SDK1: variants seen among roughly 807,000 people sequenced by gnomAD.
SDK1 encodes the protein protein sidekick-1.
SDK1 carries 157 observed loss-of-function variants against 245.5 expected under a neutral mutation model. The observed-to-expected ratio is 0.64, with a 90% CI of 0.56 to 0.73. The LOEUF (loss-of-function observed/expected upper bound fraction) is 0.73, where lower values mean the gene tolerates loss of function less well. SDK1 is among the 30% of genes least tolerant of loss of function. SDK1 has a pLI of 0.00. For missense variants in SDK1, 3,583 were observed against 3,002.3 expected (o/e 1.19, Z -4.52); for synonymous variants, 1,647 against 1,278.5 (o/e 1.29, Z -6.15).
chr7:3,688,505 A>G (rs889675529), intron 4 of SDK1, among the ~76,000 whole-genome samples: 1 of 152,260 alleles, frequency 6.6e-6, no homozygotes, highest in African/African-American at 2.4e-5. Flanking sequence ...TAAATGCTCT[A>G]CAAATGCCAG....
chr7:3,484,277 C>G (rs1197570899), intron 1 of SDK1, among the ~76,000 whole-genome samples: 1 of 152,136 alleles, frequency 6.6e-6, no homozygotes, highest in Non-Finnish European at 1.5e-5. Flanking sequence ...CTGCATGGGT[C>G]CATGTATACA....
intron 1 of SDK1, among the ~76,000 whole-genome samples, chr7:3,414,269 G>T (rs569328047): frequency 8.5e-5 from 13 of 152,190 alleles, no homozygotes; most frequent in Admixed American, 7.2e-4. Context: ...GGGTCCTAGG[G>T]CATTTTCTGA....
intron 5 of SDK1, among the ~76,000 whole-genome samples, chr7:3,841,874 T>TC (rs1461473217): frequency 6.6e-6 from 1 of 152,132 alleles, no homozygotes; most frequent in Non-Finnish European, 1.5e-5. Flanking sequence ...TATCAGATTC[T>TC]CCAAGTCATA....
intron 1 of SDK1, among the ~76,000 whole-genome samples, chr7:3,506,425 C>CT (rs1160113222): frequency 6.6e-6 from 1 of 151,950 alleles, no homozygotes; most frequent in Non-Finnish European, 1.5e-5. Flanking sequence ...CAGGAATTTT[C>CT]TTTGTTATTA....
chr7:3,960,691 C>A (rs138753449), intron 8 of SDK1, among the ~76,000 whole-genome samples: 1 of 152,186 alleles, frequency 6.6e-6, no homozygotes, highest in Non-Finnish European at 1.5e-5. Flanking sequence ...CTGCTGTCCA[C>A]GGCTCTGTTC....
Position 4,054,743 on chromosome 7 carries a change from AT to A in SDK1, c.2911+2924del, listed in dbSNP as rs536290841. Among the ~76,000 whole-genome samples, 1,016 of 148,484 alleles carry A rather than the reference AT, an allele frequency of 6.8e-3. 11 individuals are homozygous for A. The highest frequency in any genetic ancestry group is 0.041 in the South Asian group (191 of 4,706). On this transcript the variant is annotated intron_variant, in intron 19 of 44. Coordinates refer to ENST00000404826, the MANE Select transcript of SDK1 (RefSeq NM_152744.4). ...AACATTCAGTCGTTCACTGTTAAGG[AT>A]TTTTTTTTTTAATCAAGTTGAAGTT...
At chr7:3,302,082 AC>A (rs1283194397) in intron 1 of SDK1, 198 bp downstream of exon 1, 1 of 270,088 alleles carries the variant, frequency 3.7e-6, no homozygotes, top group Admixed American at 6.0e-5. Context: ...TAGAGCCTGC[AC>A]CCCGTCTGCT....
chr7:3,395,655 C>G (rs1011424327), intron 1 of SDK1, among the ~76,000 whole-genome samples: 4 of 151,876 alleles, frequency 2.6e-5, no homozygotes, highest in African/African-American at 9.7e-5. Context: ...ATTTTAAAAG[C>G]TCATTTAATT....
chr7:3,913,507 A>G (rs934005550), intron 5 of SDK1, among the ~76,000 whole-genome samples: 5 of 151,920 alleles, frequency 3.3e-5, no homozygotes, highest in South Asian at 4.2e-4. Context: ...GTTAGCCAGG[A>G]TGGTCTCGAT....
At chr7:3,691,304 A>C (rs969469771) in intron 4 of SDK1, among the ~76,000 whole-genome samples, 1 of 152,228 alleles carries the variant, frequency 6.6e-6, no homozygotes, top group Non-Finnish European at 1.5e-5. Context: ...TCTTATGTTG[A>C]TAGGAAGAGG....
intron 5 of SDK1, among the ~76,000 whole-genome samples, chr7:3,899,141 G>A (rs1304907604): frequency 6.6e-6 from 1 of 152,170 alleles, no homozygotes; most frequent in East Asian, 1.9e-4. Flanking sequence ...GAAACAATGT[G>A]TGAGAATTGT....
chr7:3,903,483 CAAG>C (rs780664953), intron 5 of SDK1, among the ~76,000 whole-genome samples: 1 of 151,982 alleles, frequency 6.6e-6, no homozygotes, highest in East Asian at 1.9e-4. Context: ...GAAGTGTTGG[CAAG>C]AAGTAGATAC....
At chr7:3,345,648 A>G (rs1780472204) in intron 1 of SDK1, among the ~76,000 whole-genome samples, 1 of 152,202 alleles carries the variant, frequency 6.6e-6, no homozygotes, top group Non-Finnish European at 1.5e-5. Flanking sequence ...CAGAAACCCA[A>G]ATTCCAGGAT....
chr7:4,179,399 G>C (rs939592361), intron 35 of SDK1: 16 of 152,198 alleles, frequency 1.1e-4, no homozygotes, highest in African/African-American at 2.9e-4. Context: ...GGGTGAGATG[G>C]GGGGGCAGGG....
At chr7:4,213,583 CAAAA>C (rs113155169) in intron 38 of SDK1, among the ~76,000 whole-genome samples, 10 of 134,700 alleles carry the variant, frequency 7.4e-5, no homozygotes, top group African/African-American at 2.5e-4. Flanking sequence ...GATTCTGTCT[CAAAA>C]AAAAAAAAAC....
At chr7:4,043,824 G>C (rs183231045) in intron 17 of SDK1, among the ~76,000 whole-genome samples, 33 of 152,054 alleles carry the variant, frequency 2.2e-4, no homozygotes, top group Admixed American at 6.5e-4. Flanking sequence ...ATTGGGCTTC[G>C]TGAAACCCCA....
At chr7:3,773,290 C>G (rs1158431245) in intron 4 of SDK1, among the ~76,000 whole-genome samples, 1 of 152,160 alleles carries the variant, frequency 6.6e-6, no homozygotes, top group African/African-American at 2.4e-5. Flanking sequence ...TTCACATTCA[C>G]TGATTCTTTC....
intron 1 of SDK1, among the ~76,000 whole-genome samples, chr7:3,570,694 C>G (rs1466030043): frequency 1.3e-5 from 2 of 152,180 alleles, no homozygotes; most frequent in African/African-American, 4.8e-5. Context: ...GTGGCCCGGC[C>G]ATATCCTGCA....
At chr7:3,939,281 C>G (rs1261980547) in intron 5 of SDK1, among the ~76,000 whole-genome samples, 1 of 152,190 alleles carries the variant, frequency 6.6e-6, no homozygotes, top group Non-Finnish European at 1.5e-5. Context: ...TTCGTGATTG[C>G]CTTCTGGATG....
Sources: allele counts gnomAD v4.1 joint callset (sites outside exome capture counted in the v4.1 genomes callset), GRCh38; gene constraint gnomAD v4.1.1; transcripts MANE v1.5; gene names NCBI Gene and HGNC (gene_info 2026-07-23, HGNC 2026-07-21).